The following STAG1 variants were observed in gnomAD, a reference collection of about 807,000 sequenced individuals.
STAG1 encodes the protein STAG1 cohesin complex component, also known as cohesin subunit SA-1.
A neutral mutation model predicts 170.9 loss-of-function variants in STAG1; 26 were observed. The ratio of observed to expected loss-of-function variants is 0.15; its 90% CI spans 0.11 to 0.21. STAG1 has a LOEUF of 0.21. Ranked by LOEUF, STAG1 falls within the 10% of genes least tolerant of loss-of-function variation. The pLI is 1.00. For synonymous variants in STAG1, 514 were observed against 497.7 expected (o/e 1.03, Z -0.44); for missense variants, 964 against 1,509.5 (o/e 0.64, Z 5.99).
At chr3:136,614,141 G>A (rs1298127038) in intron 3 of STAG1, among the ~76,000 whole-genome samples, 1 of 152,110 alleles carries the variant, frequency 6.6e-6, no homozygotes, top group Non-Finnish European at 1.5e-5. Flanking sequence ...GCTTGAACCC[G>A]GGAGGCGGAG....
chr3:136,479,189 C>A (rs1165596687), intron 9 of STAG1, among the ~76,000 whole-genome samples: 1 of 146,010 alleles, frequency 6.8e-6, no homozygotes, highest in African/African-American at 2.5e-5. Flanking sequence ...AACGTGTCAT[C>A]TAGCATTAGG....
At chr3:136,409,872 G>A (rs2087577499) in intron 21 of STAG1, among the ~76,000 whole-genome samples, 1 of 151,986 alleles carries the variant, frequency 6.6e-6, no homozygotes, top group Admixed American at 6.6e-5. Flanking sequence ...TTGAGCCCAG[G>A]ATTCCAGACC....
intron 5 of STAG1, among the ~76,000 whole-genome samples, chr3:136,555,432 C>T (rs1936573782): frequency 6.6e-6 from 1 of 151,696 alleles, no homozygotes; most frequent in South Asian, 2.1e-4. Context: ...GCCTGTAATC[C>T]CAGCACTTTG....
chr3:136,616,069 C>G (rs1439019763), intron 3 of STAG1, among the ~76,000 whole-genome samples: 3 of 151,960 alleles, frequency 2.0e-5, no homozygotes, highest in Non-Finnish European at 4.4e-5. Flanking sequence ...GAGATCAAGA[C>G]CATCCTGGTT....
Position 136,391,784 on chromosome 3 carries a change from A to G in STAG1, c.2277+6965T>C, listed in dbSNP as rs188873182. The stretch of plus-strand genomic sequence containing the variant: ...CTGCTACAAAGAAAAAATGAAGGTT[A>G]CTTCCACAGGACCAGCACTAGGGGG... On this transcript the variant is annotated intron_variant, in intron 22 of 33. Coordinates refer to ENST00000383202, the MANE Select transcript of STAG1 (RefSeq NM_005862.3). Among the ~76,000 whole-genome samples the G allele has an allele frequency of 4.3e-4, 66 of 152,294 alleles. 1 individual carries two copies. The highest frequency in any genetic ancestry group is 1.6e-3 in the African/African-American group (65 of 41,570).
At chr3:136,715,931 C>A (rs1002173078) in intron 1 of STAG1, among the ~76,000 whole-genome samples, 2 of 151,442 alleles carry the variant, frequency 1.3e-5, no homozygotes, top group Non-Finnish European at 2.9e-5. Context: ...AACGCTGTTT[C>A]TACTAAAAAT....
At chr3:136,741,076 C>T (rs1484025702) in intron 1 of STAG1, among the ~76,000 whole-genome samples, 1 of 152,196 alleles carries the variant, frequency 6.6e-6, no homozygotes, top group African/African-American at 2.4e-5. Flanking sequence ...CCAATCTTTT[C>T]AGGATAGTTA....
At position 136,733,855 on chromosome 3, in the gene STAG1, C is replaced by T. The variant is rs183658580; in HGVS notation, c.-84+18340G>A. ...CGGCACAGTGGCCCACGCCTGTAAT[C>T]CCAGCGCTTCAGGAGGCCAAGGCGG... On this transcript the variant is annotated intron_variant, in intron 1 of 33. Coordinates refer to ENST00000383202, the MANE Select transcript of STAG1 (RefSeq NM_005862.3). 3.2e-4 allele frequency among the ~76,000 whole-genome samples: 48 copies of T among 152,284 alleles called. No individual in the cohort carries two copies. In the East Asian group the frequency reaches 6.8e-3, roughly 21 times the overall value.
At chr3:136,727,418 G>GA (rs1421845411) in intron 1 of STAG1, among the ~76,000 whole-genome samples, 2 of 152,176 alleles carry the variant, frequency 1.3e-5, no homozygotes, top group African/African-American at 4.8e-5. Flanking sequence ...TATATGTGAA[G>GA]AAAATGGCAT....
At chr3:136,524,381 A>G (rs1262284284) in intron 6 of STAG1, among the ~76,000 whole-genome samples, 1 of 152,086 alleles carries the variant, frequency 6.6e-6, no homozygotes, top group Middle Eastern at 3.2e-3. Context: ...TTCACTCATG[A>G]TTTGGCTCTC....
Position 136,693,362 on chromosome 3 carries a change from T to C in STAG1, c.-84+58833A>G, listed in dbSNP as rs190970708. 3.6e-4 allele frequency among the ~76,000 whole-genome samples: 55 copies of C among 152,310 alleles called. No homozygotes were observed. The Middle Eastern group carries it at 0.01, about 28-fold the overall frequency. On this transcript the variant is annotated intron_variant, in intron 1 of 33. Transcript: ENST00000383202. ...GAATAGTCAGAACTTCACTGCCAATTTGAAGAAAGTTTTCTGTGAGGTGAT... is the reference window on the plus strand; with the variant it reads ...GAATAGTCAGAACTTCACTGCCAATCTGAAGAAAGTTTTCTGTGAGGTGAT...
At chr3:136,383,694 G>A (rs9832556) in intron 22 of STAG1, among the ~76,000 whole-genome samples, 6,115 of 152,166 alleles carry the variant, frequency 0.04, 159 homozygotes, top group East Asian at 0.13. Context: ...GGTGGCTCAC[G>A]CCTGTAATCC....
rs149729932 is a variant in STAG1, at chr3:136,366,780, T to C, written c.2685+163A>G. The stretch of plus-strand genomic sequence containing the variant: ...CTCCTACTCAATGGAACTGATATAA[T>C]AGTACAGACTGATAAAAAGCTTATA... On this transcript the variant is annotated intron_variant, in intron 25 of 33. Transcript: ENST00000383202. Among the ~76,000 whole-genome samples the C allele has an allele frequency of 2.8e-3, 426 of 152,274 alleles. 3 individuals are homozygous for C. The highest frequency in any genetic ancestry group is 9.9e-3 in the African/African-American group (412 of 41,578).
intron 22 of STAG1, among the ~76,000 whole-genome samples, chr3:136,389,264 A>G (rs1172425771): frequency 1.3e-5 from 2 of 152,190 alleles, no homozygotes; most frequent in African/African-American, 4.8e-5. Flanking sequence ...TTCACTGGGG[A>G]CAGGCTAGTG....
At chr3:136,441,191 C>T (rs896078109) in intron 15 of STAG1, among the ~76,000 whole-genome samples, 1 of 152,098 alleles carries the variant, frequency 6.6e-6, no homozygotes, top group South Asian at 2.1e-4. Context: ...CGCCACCAAA[C>T]CTGGCTAATT....
In STAG1 at chr3:136,715,007, T is replaced by A. The variant is rs1943498789; in HGVS notation, c.-84+37188A>T. Among the ~76,000 whole-genome samples, 5 of 136,378 alleles carry A rather than the reference T, an allele frequency of 3.7e-5. No homozygotes were observed. The Admixed American group carries it at 3.9e-4, about 11-fold the overall frequency. The allele number at this position is 136,378 out of a possible 152,430, so 89.5% of individuals were successfully genotyped here. A position where few individuals can be genotyped will look rare whatever the true frequency, so the allele number is the denominator to read the frequency against. ...ATATATATATTTTATATATATAATA[T>A]ATATATAAAATATATATATAAAATA... On this transcript the variant is annotated intron_variant, in intron 1 of 33. Transcript: ENST00000383202.
At position 136,338,290 on chromosome 3, in the gene STAG1, T is replaced by C; in HGVS notation, c.3754-13A>G. ...GCATTCCAAATCCCTAGAAAAATGA[T>C]GAGAAACATAATTATTAATTTCATG... On this transcript the variant is annotated splice_polypyrimidine_tract_variant and intron_variant, in intron 33 of 33. Coordinates refer to ENST00000383202, the MANE Select transcript of STAG1 (RefSeq NM_005862.3). The C allele has an allele frequency of 6.2e-7, 1 of 1,604,588 alleles. No homozygotes were observed. The highest frequency in any genetic ancestry group is 1.1e-5 in the South Asian group (1 of 90,648).
intron 23 of STAG1, among the ~76,000 whole-genome samples, chr3:136,371,208 T>C (rs181331211): frequency 6.6e-4 from 100 of 152,342 alleles, no homozygotes; most frequent in African/African-American, 2.2e-3. Context: ...ATGTGGTTGT[T>C]TTTTTCTTGT....
intron 7 of STAG1, among the ~76,000 whole-genome samples, chr3:136,515,678 C>T (rs186736035): frequency 2.0e-5 from 3 of 151,700 alleles, no homozygotes; most frequent in African/African-American, 4.8e-5. Flanking sequence ...TTTTCAGAAC[C>T]GATGATAGAA....
Sources: allele counts gnomAD v4.1 joint callset (sites outside exome capture counted in the v4.1 genomes callset), GRCh38; gene constraint gnomAD v4.1.1; transcripts MANE v1.5; gene names NCBI Gene and HGNC (gene_info 2026-07-23, HGNC 2026-07-21).